Variants in ASIC2 observed in about 807,000 individuals in gnomAD.
The protein encoded by ASIC2 is acid sensing ion channel subunit 2.
Under a neutral mutation model 57.3 loss-of-function variants are expected in ASIC2, and 25 were observed. The ratio of observed to expected loss-of-function variants is 0.44; its 90% CI spans 0.32 to 0.61. The LOEUF (loss-of-function observed/expected upper bound fraction) is 0.61. ASIC2 is among the 20% of genes least tolerant of loss of function. ASIC2 has a pLI of 0.06. For synonymous variants in ASIC2, 319 were observed against 307.5 expected, an observed-to-expected ratio of 1.04 and a Z score of -0.39; for missense variants, 641 against 738.1, an observed-to-expected ratio of 0.87 and a Z score of 1.52.
At chr17:33,837,074 C>A (rs1329349210) in intron 1 of ASIC2, among the ~76,000 whole-genome samples, 3 of 152,168 alleles carry the variant, frequency 2.0e-5, no homozygotes, top group Non-Finnish European at 2.9e-5. Flanking sequence ...ATTACGTGGG[C>A]TGAAAGATCA....
At chr17:33,144,554 A>G (rs1045330703) in intron 1 of ASIC2, among the ~76,000 whole-genome samples, 1 of 152,150 alleles carries the variant, frequency 6.6e-6, no homozygotes, top group Admixed American at 6.5e-5. Context: ...GATTTCTCTT[A>G]TGTGTAAGTG....
intron 1 of ASIC2, among the ~76,000 whole-genome samples, chr17:33,326,732 A>G (rs189707485): frequency 1.3e-5 from 2 of 152,338 alleles, no homozygotes; most frequent in Admixed American, 1.3e-4. Context: ...TTCGTATTCA[A>G]TTAGGACTTT....
chr17:33,676,209 G>T (rs1450667667), intron 1 of ASIC2, among the ~76,000 whole-genome samples: 3 of 152,164 alleles, frequency 2.0e-5, no homozygotes. Flanking sequence ...TTGGGAAATT[G>T]TTTCCCTGAG....
chr17:34,109,177 C>A (rs1354450253), intron 1 of ASIC2, among the ~76,000 whole-genome samples: 4 of 152,008 alleles, frequency 2.6e-5, no homozygotes, highest in Admixed American at 1.3e-4. Context: ...CTTTTCTTAT[C>A]TTTTCTGGCA....
chr17:33,089,094 A>G, intron 2 of ASIC2, 104 bp from the exon 3 acceptor site: 5 of 1,481,664 alleles, frequency 3.4e-6, no homozygotes, highest in Non-Finnish European at 3.6e-6. Context: ...CCCTGTGATA[A>G]GCAGAATAAT....
At chr17:33,690,414 G>A (rs1462154196) in intron 1 of ASIC2, among the ~76,000 whole-genome samples, 1 of 152,086 alleles carries the variant, frequency 6.6e-6, no homozygotes, top group African/African-American at 2.4e-5. Context: ...GGGGGCTTTT[G>A]GCATCTTTTG....
At chr17:33,956,773 C>T (rs1016639216) in intron 1 of ASIC2, among the ~76,000 whole-genome samples, 4 of 152,194 alleles carry the variant, frequency 2.6e-5, no homozygotes, top group Non-Finnish European at 2.9e-5. Flanking sequence ...TGCCAAATAC[C>T]GTCTGAGATT....
At chr17:33,409,704 G>T (rs1032933491) in intron 1 of ASIC2, among the ~76,000 whole-genome samples, 3 of 152,190 alleles carry the variant, frequency 2.0e-5, no homozygotes, top group African/African-American at 4.8e-5. Flanking sequence ...GGAGGAGGCC[G>T]AGGGAGCTGG....
rs142621232 is a variant in ASIC2 at position 33,831,729 on chromosome 17, G to C, written c.555+324249C>G. 1.8e-3 allele frequency among the ~76,000 whole-genome samples: 270 copies of C among 152,272 alleles called. 1 individual carries two copies. Among genetic ancestry groups the C allele is most frequent in the African/African-American group, 6.2e-3 (257 of 41,548 alleles). On this transcript the variant is annotated intron_variant, in intron 1 of 9. Coordinates refer to the ASIC2 transcript ENST00000359872. ...TCAGCCTCCTCCCTACTGACAGCAG[G>C]CCCGTCTCTCCCAGGGACACAGATA...
chr17:34,020,512 G>A (rs1249379138), intron 1 of ASIC2, among the ~76,000 whole-genome samples: 1 of 152,178 alleles, frequency 6.6e-6, no homozygotes, highest in Non-Finnish European at 1.5e-5. Flanking sequence ...TGAAAGCAGG[G>A]AACTTTCTCT....
chr17:33,869,981 G>A (rs954073685), intron 1 of ASIC2, among the ~76,000 whole-genome samples: 1 of 152,162 alleles, frequency 6.6e-6, no homozygotes, highest in Non-Finnish European at 1.5e-5. Flanking sequence ...GCTGTAGTTT[G>A]CCAGCCCCTG....
intron 1 of ASIC2, among the ~76,000 whole-genome samples, chr17:33,911,495 A>C (rs1241023714): frequency 6.6e-6 from 1 of 152,226 alleles, no homozygotes; most frequent in East Asian, 1.9e-4. Context: ...AGACTGAAGT[A>C]GGCAGGGGAA....
chr17:33,769,694 C>G (rs1157456492), intron 1 of ASIC2, among the ~76,000 whole-genome samples: 1 of 152,232 alleles, frequency 6.6e-6, no homozygotes, highest in Admixed American at 6.5e-5. Flanking sequence ...ATTAAAGAAG[C>G]TTGAGTCTGG....
chr17:33,753,407 T>C (rs909613620), intron 1 of ASIC2, among the ~76,000 whole-genome samples: 6 of 152,230 alleles, frequency 3.9e-5, no homozygotes, highest in Non-Finnish European at 7.3e-5. Context: ...CATCATACAT[T>C]TGTCAAAACC....
chr17:33,830,948 T>C (rs1913088606), intron 1 of ASIC2, among the ~76,000 whole-genome samples: 1 of 151,430 alleles, frequency 6.6e-6, no homozygotes. Flanking sequence ...CCATCTCTAC[T>C]AAAAATACAA....
rs543734074 is a variant in ASIC2, at chr17:33,615,536, C to T, written c.556-503469G>A. Reference sequence around the variant, plus strand: ...TTCTAAGGTTAACTTGAAGGACTCCCACTGCTAAGAGGCTAAGGTCTTGGT... The same window carrying T: ...TTCTAAGGTTAACTTGAAGGACTCCTACTGCTAAGAGGCTAAGGTCTTGGT... On this transcript the variant is annotated intron_variant, in intron 1 of 9. Coordinates refer to the ASIC2 transcript ENST00000359872. Among the ~76,000 whole-genome samples, 3 of 152,238 alleles carry T rather than the reference C, an allele frequency of 2.0e-5. No individual in the cohort carries two copies. In the South Asian group the frequency reaches 6.2e-4, roughly 32 times the overall value.
intron 1 of ASIC2, among the ~76,000 whole-genome samples, chr17:33,711,665 C>T (rs1398355756): frequency 2.0e-5 from 3 of 152,082 alleles, no homozygotes; most frequent in African/African-American, 4.8e-5. Flanking sequence ...CGTCTTATCA[C>T]GGAAAAGCTG....
chr17:33,611,157 G>T (rs1317181684), intron 1 of ASIC2, among the ~76,000 whole-genome samples: 1 of 152,096 alleles, frequency 6.6e-6, no homozygotes, highest in Non-Finnish European at 1.5e-5. Context: ...TAGCCCTCCT[G>T]GTGCTGCCTG....
At chr17:33,061,955 G>A (rs1303930608) in intron 3 of ASIC2, among the ~76,000 whole-genome samples, 2 of 152,224 alleles carry the variant, frequency 1.3e-5, no homozygotes, top group Non-Finnish European at 2.9e-5. Context: ...GCGTAGAGGT[G>A]TTTATAATAT....
Sources: gnomAD v4.1 joint callset for allele counts (sites outside exome capture counted in the v4.1 genomes callset) on GRCh38, gnomAD v4.1.1 for gene constraint, MANE v1.5 for transcripts, NCBI Gene and HGNC (gene_info 2026-07-23, HGNC 2026-07-21) for gene names.